The following BARX2 variants were observed in gnomAD, a reference collection of about 807,000 sequenced individuals.
BARX2 encodes homeobox protein BarH-like 2.
A neutral mutation model predicts 25.5 loss-of-function variants in BARX2; 11 were observed. That is an observed-to-expected ratio of 0.43 (90% CI 0.27 to 0.71). The LOEUF is 0.71. BARX2 is among the 30% of genes least tolerant of loss of function. The pLI is 0.19. For missense variants in BARX2, 360 were observed against 359.9 expected, an observed-to-expected ratio of 1.00 and a Z score of 0.00; for synonymous variants, 137 against 149.5, an observed-to-expected ratio of 0.92 and a Z score of 0.61.
In BARX2 at chr11:129,388,574, G is replaced by A. The variant is rs188471387; in HGVS notation, c.187+12352G>A. Among the ~76,000 whole-genome samples the A allele has an allele frequency of 7.2e-5, 11 of 152,244 alleles. No homozygotes were observed. The East Asian group carries it at 1.5e-3, about 21-fold the overall frequency. ...CAAATGCCTTGAGAGTTAACACTTC[G>A]GATATTTTTCATGGAATACTCATTA... On this transcript the variant is annotated intron_variant, in intron 1 of 3. Transcript: ENST00000281437.
At chr11:129,415,433 C>T (rs1003110612) in intron 1 of BARX2, among the ~76,000 whole-genome samples, 1 of 141,758 alleles carries the variant, frequency 7.1e-6, no homozygotes, top group African/African-American at 2.7e-5. Flanking sequence ...CAGGACTATT[C>T]TAGGCAGCAA....
Position 129,390,771 on chromosome 11 carries a change from A to C in BARX2, c.187+14549A>C, listed in dbSNP as rs1288254883. On this transcript the variant is annotated intron_variant, in intron 1 of 3. Transcript: ENST00000281437. This position sits in a 1 kb window ranked among gnomAD's most constrained non-coding sequence, Gnocchi z 4.3. ...CTTCTGATTGGGCAATGGCCTGGCCAGCCACACAGGTAGCCCAATCATCAT... is the reference window on the plus strand; with the variant it reads ...CTTCTGATTGGGCAATGGCCTGGCCCGCCACACAGGTAGCCCAATCATCAT... Among the ~76,000 whole-genome samples the C allele has an allele frequency of 1.3e-5, 2 of 152,244 alleles. No homozygotes were observed. Among genetic ancestry groups the C allele is most frequent in the Non-Finnish European group, 2.9e-5 (2 of 68,044 alleles).
intron 1 of BARX2, among the ~76,000 whole-genome samples, chr11:129,388,471 TA>T (rs2135386563): frequency 6.6e-6 from 1 of 152,288 alleles, no homozygotes; most frequent in African/African-American, 2.4e-5. Flanking sequence ...AAAGCTTTCC[TA>T]GGGGAATCAA....
chr11:129,421,357 A>G (rs994904979), intron 1 of BARX2, among the ~76,000 whole-genome samples: 15 of 152,212 alleles, frequency 9.9e-5, no homozygotes, highest in African/African-American at 3.6e-4. Context: ...AGGAACTCTC[A>G]TTCTATCCAA....
At chr11:129,397,629 G>T (rs746146116) in intron 1 of BARX2, among the ~76,000 whole-genome samples, 4 of 152,224 alleles carry the variant, frequency 2.6e-5, no homozygotes, top group African/African-American at 7.2e-5. Context: ...GGCGCTATGT[G>T]AAGACTGCAC....
At chr11:129,380,176 C>T (rs1861547560) in intron 1 of BARX2, among the ~76,000 whole-genome samples, 1 of 152,072 alleles carries the variant, frequency 6.6e-6, no homozygotes, top group South Asian at 2.1e-4. Flanking sequence ...CTTGGTTACA[C>T]ACCCGGGACT....
intron 1 of BARX2, among the ~76,000 whole-genome samples, chr11:129,426,786 A>C (rs1862068323): frequency 6.7e-6 from 1 of 148,622 alleles, no homozygotes. Context: ...TGGGACCCTC[A>C]AACTTTTCTG....
At position 129,401,577 on chromosome 11, in the gene BARX2, C is replaced by T. The variant is rs1861775854; in HGVS notation, c.187+25355C>T. The stretch of plus-strand genomic sequence containing the variant: ...GCAACTAACTCCAGCCTGCAGTTTA[C>T]ACACAGTGGCTTCTGCAAGGTTGAT... On this transcript the variant is annotated intron_variant, in intron 1 of 3. Coordinates refer to ENST00000281437, the MANE Select transcript of BARX2 (RefSeq NM_003658.5). 1.3e-5 allele frequency among the ~76,000 whole-genome samples: 2 copies of T among 152,188 alleles called. 1 individual carries two copies. Among genetic ancestry groups the T allele is most frequent in the South Asian group, 4.1e-4 (2 of 4,828 alleles).
chr11:129,410,194 G>GC (rs1348652933), intron 1 of BARX2, among the ~76,000 whole-genome samples: 1 of 152,012 alleles, frequency 6.6e-6, no homozygotes, highest in Non-Finnish European at 1.5e-5. Flanking sequence ...CTATATCCTT[G>GC]CGTTTTAATC....
At chr11:129,404,903 C>T (rs4936076) in intron 1 of BARX2, among the ~76,000 whole-genome samples, 56,138 of 152,142 alleles carry the variant, frequency 0.37, 13,411 homozygotes, top group African/African-American at 0.67. Flanking sequence ...CAGAACTCTC[C>T]TCTCTTTTTC....
chr11:129,382,048 G>A (rs935701846), intron 1 of BARX2, among the ~76,000 whole-genome samples: 2 of 152,222 alleles, frequency 1.3e-5, no homozygotes, highest in Admixed American at 6.5e-5. Flanking sequence ...CGCTCTGGAA[G>A]ACTGAGTAAA....
chr11:129,405,914 G>A (rs759538369), intron 1 of BARX2, among the ~76,000 whole-genome samples: 7 of 152,230 alleles, frequency 4.6e-5, no homozygotes, highest in Middle Eastern at 3.4e-3. Flanking sequence ...AGAAGTATTT[G>A]CTCTTGCTGC....
chr11:129,409,760 A>T (rs184899843), intron 1 of BARX2, among the ~76,000 whole-genome samples: 1 of 152,304 alleles, frequency 6.6e-6, no homozygotes, highest in African/African-American at 2.4e-5. Flanking sequence ...CTTTAAAATG[A>T]TCTGCATTTT....
At chr11:129,385,840 C>CCGT (rs1861612595) in intron 1 of BARX2, among the ~76,000 whole-genome samples, 1 of 152,160 alleles carries the variant, frequency 6.6e-6, no homozygotes, top group South Asian at 2.1e-4. Context: ...GCACAAGAGA[C>CCGT]CGCACATGTC....
At chr11:129,392,746 G>C (rs1188394083) in intron 1 of BARX2, among the ~76,000 whole-genome samples, 1 of 151,884 alleles carries the variant, frequency 6.6e-6, no homozygotes, top group Non-Finnish European at 1.5e-5. Flanking sequence ...TGAGTAGCTG[G>C]GATACAGATG....
intron 1 of BARX2, among the ~76,000 whole-genome samples, chr11:129,422,100 G>A (rs1438235354): frequency 2.6e-5 from 4 of 151,918 alleles, no homozygotes; most frequent in South Asian, 2.1e-4. Context: ...GGCTGGCCTC[G>A]ATTGCCTGGC....
intron 3 of BARX2, among the ~76,000 whole-genome samples, chr11:129,443,722 A>G (rs1230579169): frequency 6.6e-6 from 1 of 152,196 alleles, no homozygotes; most frequent in Non-Finnish European, 1.5e-5. Flanking sequence ...ACTCAATTTC[A>G]TTATCATTTA....
At chr11:129,378,961 A>C (rs1861533782) in intron 1 of BARX2, among the ~76,000 whole-genome samples, 1 of 152,176 alleles carries the variant, frequency 6.6e-6, no homozygotes, top group African/African-American at 2.4e-5. Flanking sequence ...GCAAACTGAG[A>C]AATGGGAATA....
At chr11:129,383,957 T>G (rs1328029973) in intron 1 of BARX2, among the ~76,000 whole-genome samples, 1 of 152,172 alleles carries the variant, frequency 6.6e-6, no homozygotes, top group Non-Finnish European at 1.5e-5. Flanking sequence ...CACTGCAGGC[T>G]CTGCCTCCTG....
Sources: allele counts gnomAD v4.1 joint callset (sites outside exome capture counted in the v4.1 genomes callset), GRCh38; gene constraint gnomAD v4.1.1; non-coding constraint Gnocchi (gnomAD v3.1); transcripts MANE v1.5; gene names NCBI Gene and HGNC (gene_info 2026-07-23, HGNC 2026-07-21).